PLXNB2: variants seen among roughly 807,000 people sequenced by gnomAD.
PLXNB2 encodes the protein plexin B2.
In PLXNB2, 85 loss-of-function variants were observed where a neutral mutation model predicts 202.6. That is an observed-to-expected ratio of 0.42 (90% CI 0.35 to 0.50). The LOEUF (loss-of-function observed/expected upper bound fraction) is 0.50, where lower values mean the gene tolerates loss of function less well. PLXNB2 is among the 20% of genes least tolerant of loss of function. The pLI, the probability that PLXNB2 is intolerant of heterozygous loss-of-function variation, is 0.02. For synonymous variants in PLXNB2, 1,239 were observed against 1,137.6 expected (o/e 1.09, Z -1.79); for missense variants, 2,063 against 2,586.2 (o/e 0.80, Z 4.39).
Position 50,288,193 on chromosome 22 carries a change from G to T in PLXNB2, c.1381-156C>A. 6.6e-6 allele frequency among the ~76,000 whole-genome samples: 1 copy of T among 152,160 alleles called. No homozygotes were observed. The highest frequency in any genetic ancestry group is 1.9e-4 in the East Asian group (1 of 5,184). On this transcript the variant is annotated intron_variant, in intron 5 of 36. Transcript: ENST00000359337. This position sits in a 1 kb window ranked among gnomAD's most constrained non-coding sequence, Gnocchi z 5.0. ...CTTGATATTAAACAGTTCTGGCTCT[G>T]GGTGGCCATGCCTGGCCCAGGATCC...
intron 1 of PLXNB2, chr22:50,301,453 GAC>G (rs2067677640): frequency 3.7e-5 from 35 of 945,690 alleles, no homozygotes; most frequent in Admixed American, 1.2e-4. Context: ...AACTCATCAG[GAC>G]AGGACATGCG....
In PLXNB2 at chr22:50,297,005, C is replaced by T. The variant is rs563118110; in HGVS notation, c.-73-2227G>A. Among the ~76,000 whole-genome samples the T allele has an allele frequency of 6.6e-6, 1 of 152,268 alleles. No individual in the cohort carries two copies. The highest frequency in any genetic ancestry group is 2.1e-4 in the South Asian group (1 of 4,830). On this transcript the variant is annotated intron_variant, in intron 1 of 36. Coordinates refer to ENST00000359337, the MANE Select transcript of PLXNB2 (RefSeq NM_012401.4). This position sits in a 1 kb window ranked among gnomAD's most constrained non-coding sequence, Gnocchi z 5.3. ...TGAGGTTTCGGGGGGCAGAGGGCAT[C>T]CTTTCGACCTGAGACTCAACAGCAC...
At position 50,284,234 on chromosome 22, in the gene PLXNB2, C is replaced by T; in HGVS notation, c.2182-21G>A. On this transcript the variant is annotated intron_variant, in intron 12 of 36. Transcript: ENST00000359337. The surrounding 1 kb of genome is among the most constrained non-coding windows in gnomAD (Gnocchi z 8.0). ...GACAGCTGGGGGACACGCAGGGGCACACTGCACTTCCTGCCCCCACAGAGG... is the reference window on the plus strand; with the variant it reads ...GACAGCTGGGGGACACGCAGGGGCATACTGCACTTCCTGCCCCCACAGAGG... The T allele has an allele frequency of 2.5e-6, 4 of 1,608,890 alleles. No homozygotes were observed. The highest frequency in any genetic ancestry group is 3.4e-6 in the Non-Finnish European group (4 of 1,176,378).
Position 50,278,007 on chromosome 22 carries a change from G to A in PLXNB2, c.4894C>T (p.Leu1632=). The change falls in exon 32 of 37, where the codon CTG becomes TTG. Residue 1632 remains leucine, a synonymous_variant. Transcript: ENST00000359337. ...LTRLLSVKGT[L]QQFVDNFFQS... ...AAGAAGTTGTCCACAAACTGCTGCA[G>A]TGTGCCCTGTGGGGGGGAGGGTCTC... is the stretch of plus-strand genomic sequence containing the variant. 1.9e-6 allele frequency: 3 copies of A among 1,612,066 alleles called. No individual in the cohort carries two copies. Among genetic ancestry groups the A allele is most frequent in the Non-Finnish European group, 2.5e-6 (3 of 1,179,218 alleles).
At chr22:50,306,422 G>A (rs1431978492) in intron 1 of PLXNB2, among the ~76,000 whole-genome samples, 1 of 152,218 alleles carries the variant, frequency 6.6e-6, no homozygotes. Flanking sequence ...GAAAGGGAGG[G>A]CTCCTCCCAC....
Position 50,282,310 on chromosome 22 carries a change from A to G in PLXNB2, c.2991T>C (p.Gly997=). The G allele has an allele frequency of 9.3e-6, 15 of 1,607,196 alleles. No individual in the cohort carries two copies. The highest frequency in any genetic ancestry group is 1.3e-5 in the Non-Finnish European group (15 of 1,177,210). The change falls in exon 19 of 37, where the codon GGT becomes GGC. Residue 997 remains glycine, a synonymous_variant. Transcript: ENST00000359337. ...GACCCGTGACGTTGATGCTGCGGCCACCACTGCGGAGGGCAGTGCCTTCGT... is the reference window on the plus strand; with the variant it reads ...GACCCGTGACGTTGATGCTGCGGCCGCCACTGCGGAGGGCAGTGCCTTCGT... ...AFEPLRSFAS[G]GRSINVTGQG...
At chr22:50,276,010 C>T in intron 35 of PLXNB2, 47 bp from the exon 36 acceptor site, 1 of 1,569,736 alleles carries the variant, frequency 6.4e-7, no homozygotes. Flanking sequence ...CTGTGGGAGC[C>T]CCAGGGCTGG....
rs780062318 is a variant in PLXNB2 at position 50,281,546 on chromosome 22, G to C, written c.3522+20C>G. ...GCGCGGTCCCGTGGGGGCACCCCCC[G>C]CCAGTCCCCGCTCACGCACAATGAA... On this transcript the variant is annotated intron_variant, in intron 21 of 36. Transcript: ENST00000359337. The C allele has an allele frequency of 2.5e-6, 4 of 1,607,622 alleles. No homozygotes were observed. Among genetic ancestry groups the C allele is most frequent in the Non-Finnish European group, 3.4e-6 (4 of 1,176,780 alleles).
rs377739086 is a variant in PLXNB2 at position 50,283,326 on chromosome 22, C to T, written c.2679+11G>A. On this transcript the variant is annotated intron_variant, in intron 16 of 36. Transcript: ENST00000359337. ...CCCGGGTTCGGCAGGTCCCCGAGGC[C>T]GGGTGCTTACTTGGAAGGTGAACTG... The T allele has an allele frequency of 1.4e-4, 225 of 1,612,334 alleles. 2 individuals are homozygous for T. The East Asian group carries it at 1.6e-3, about 11-fold the overall frequency.
chr22:50,287,996 G>T lies in PLXNB2; in HGVS notation c.1422C>A (p.Thr474=). The T allele has an allele frequency of 6.4e-7, 1 of 1,574,450 alleles. No individual in the cohort carries two copies. Among genetic ancestry groups the T allele is most frequent in the East Asian group, 2.4e-5 (1 of 42,298 alleles). The part of the protein sequence containing the change: ...LPVQECLSYP[T]CTQCRDSQDP... Reference sequence around the variant, plus strand: ...CCTGGGAGTCGCGGCACTGGGTGCAGGTCGGGTAGCTCAGGCACTCCTGCA... The same window carrying T: ...CCTGGGAGTCGCGGCACTGGGTGCATGTCGGGTAGCTCAGGCACTCCTGCA... The change falls in exon 6 of 37, where the codon ACC becomes ACA. Residue 474 remains threonine (T), a synonymous_variant. Coordinates refer to ENST00000359337, the MANE Select transcript of PLXNB2 (RefSeq NM_012401.4).
rs367586795 is a variant in PLXNB2 at position 50,287,981 on chromosome 22, G to A, written c.1437C>T (p.Arg479=). Residue 479 remains arginine, a synonymous_variant, in exon 6 of 37, where the codon CGC becomes CGT. Coordinates refer to ENST00000359337, the MANE Select transcript of PLXNB2 (RefSeq NM_012401.4). ...CLSYPTCTQC[R]DSQDPYCGWC... ...AGCCGCAGTAGGGGTCCTGGGAGTC[G>A]CGGCACTGGGTGCAGGTCGGGTAGC... 2.9e-5 allele frequency: 46 copies of A among 1,582,632 alleles called. No individual in the cohort carries two copies. The Admixed American group carries it at 4.1e-4, about 14-fold the overall frequency.
chr22:50,292,718 G>A (rs556189202), intron 2 of PLXNB2, among the ~76,000 whole-genome samples: 12 of 152,060 alleles, frequency 7.9e-5, no homozygotes, highest in African/African-American at 2.2e-4. Context: ...TGGCACAGCC[G>A]CCCTCCACCT....
At chr22:50,300,252 G>A (rs755767541) in intron 1 of PLXNB2, 66 of 984,694 alleles carry the variant, frequency 6.7e-5, no homozygotes, top group Non-Finnish European at 7.7e-5. Context: ...GAGCGCAGGA[G>A]ACGTCGTCCC....
In PLXNB2 at chr22:50,277,669, C is replaced by G; in HGVS notation, c.5118G>C (p.Glu1706Asp). 6.2e-7 allele frequency: 1 copy of G among 1,608,988 alleles called. No homozygotes were observed. Among genetic ancestry groups the G allele is most frequent in the Non-Finnish European group, 8.5e-7 (1 of 1,177,158 alleles). The change falls in exon 33 of 37, where the codon GAG becomes GAC. Residue 1706 changes from glutamate to aspartate, a missense_variant. Transcript: ENST00000359337. ...TGACTGACAGCGAGGCGTCCACCAC[C>G]TCGTGGACATGCACGTCAAAGATGA... ...PHFIFDVHVH[E>D]VVDASLSVIA...
Position 50,275,870 on chromosome 22 carries a change from C to T in PLXNB2, c.5412+19G>A. ...GCCCAGCACCCCACCTGCCCCCGCCCCCGGGGGCCTGACCCTACCTCGTCA... is the reference window on the plus strand; with the variant it reads ...GCCCAGCACCCCACCTGCCCCCGCCTCCGGGGGCCTGACCCTACCTCGTCA... On this transcript the variant is annotated intron_variant, in intron 36 of 36. Coordinates refer to ENST00000359337, the MANE Select transcript of PLXNB2 (RefSeq NM_012401.4). 5 of 1,610,600 alleles carry T rather than the reference C, an allele frequency of 3.1e-6. No individual in the cohort carries two copies. The highest frequency in any genetic ancestry group is 1.3e-5 in the African/African-American group (1 of 74,988).
chr22:50,287,069 C>G, intron 8 of PLXNB2, 42 bp downstream of exon 8: 3 of 1,462,600 alleles, frequency 2.1e-6, no homozygotes, highest in Non-Finnish European at 2.7e-6. Context: ...GGGCCCCGTG[C>G]GACCGAGAAG....
chr22:50,306,926 C>T (rs2067905076), intron 1 of PLXNB2, among the ~76,000 whole-genome samples: 1 of 152,208 alleles, frequency 6.6e-6, no homozygotes, highest in African/African-American at 2.4e-5. Flanking sequence ...GCTGGCAGGG[C>T]AGGGGCTTCC....
At chr22:50,286,540 C>T (rs1024665200) in intron 8 of PLXNB2, among the ~76,000 whole-genome samples, 1 of 152,196 alleles carries the variant, frequency 6.6e-6, no homozygotes, top group African/African-American at 2.4e-5. Context: ...GGGTGTCGGG[C>T]GCAGCACCGG....
At chr22:50,280,422 C>T in intron 25 of PLXNB2, 67 bp downstream of exon 25, 1 of 1,457,572 alleles carries the variant, frequency 6.9e-7, no homozygotes, top group African/African-American at 1.4e-5. Flanking sequence ...GTGCCACCCG[C>T]CACCAGCCCC....
Sources: gnomAD v4.1 joint callset for allele counts (sites outside exome capture counted in the v4.1 genomes callset) on GRCh38, gnomAD v4.1.1 for gene constraint, Gnocchi (gnomAD v3.1) non-coding constraint, MANE v1.5 for transcripts, NCBI Gene and HGNC (gene_info 2026-07-23, HGNC 2026-07-21) for gene names.